SAMD4B: variants seen among roughly 807,000 people sequenced by gnomAD.
The protein encoded by SAMD4B is protein Smaug homolog 2.
A neutral mutation model predicts 74.5 loss-of-function variants in SAMD4B; 5 were observed. The observed-to-expected ratio is 0.07, with a 90% CI of 0.04 to 0.14. The LOEUF is 0.14. SAMD4B is among the 10% of genes least tolerant of loss of function. The pLI is 1.00. For missense variants in SAMD4B, 608 were observed against 921.8 expected, an observed-to-expected ratio of 0.66 and a Z score of 4.41; for synonymous variants, 373 against 374.9, an observed-to-expected ratio of 1.00 and a Z score of 0.06.
Position 39,376,420 on chromosome 19 carries a change from TC to T in SAMD4B, c.908-14del, listed in dbSNP as rs754294999. The T allele has an allele frequency of 2.5e-6, 4 of 1,599,186 alleles. No homozygotes were observed. The Admixed American group carries it at 6.7e-5, about 27-fold the overall frequency. ...GGGCCAAACTCCTGACCTTTCACTC[TC>T]CCTCCTTTGCCAAAGATGTGCCCTC... On this transcript the variant is annotated splice_polypyrimidine_tract_variant and intron_variant, in intron 5 of 13. Coordinates refer to ENST00000610417, the MANE Select transcript of SAMD4B (RefSeq NM_001384574.2).
In SAMD4B at chr19:39,370,071, C is replaced by T; in HGVS notation, c.613C>T (p.Pro205Ser). 6.2e-7 allele frequency: 1 copy of T among 1,610,330 alleles called. No individual in the cohort carries two copies. Residue 205 changes from proline (P) to serine (S), a missense_variant, in exon 4 of 14, where the codon CCA becomes TCA. Around this residue, in one of 9 missense-constraint regions of SAMD4B, gnomAD observed 153 missense variants for 153.0 expected, o/e 1.00. Coordinates refer to ENST00000610417, the MANE Select transcript of SAMD4B (RefSeq NM_001384574.2). Reference sequence around the variant, plus strand: ...GGAAAATGGACACGTGCCCTTCCACCCATCCAGCTCAGTGCCGCCAGCCAT... The same window carrying T: ...GGAAAATGGACACGTGCCCTTCCACTCATCCAGCTCAGTGCCGCCAGCCAT... ...PRENGHVPFH[P>S]SSSVPPAINS...
chr19:39,387,230 G>T, downstream of SAMD4B: 1 of 416,792 alleles, frequency 2.4e-6, no homozygotes, highest in Non-Finnish European at 4.8e-6. Flanking sequence ...ACTGAATACT[G>T]CAGGCAATTG....
At position 39,383,063 on chromosome 19, in the gene SAMD4B, T is replaced by C; in HGVS notation, c.1973-145T>C. The C allele has an allele frequency of 1.4e-6, 1 of 709,436 alleles. No individual in the cohort carries two copies. 43.9% of individuals were successfully genotyped at this position (709,436 alleles called of 1,614,324 possible). A position where few individuals can be genotyped will look rare whatever the true frequency, so the allele number is the denominator to read the frequency against. ...GCCTGTTGTGTGACACGCTCGCCTC[T>C]CTCCCTGTCCACCTCCTCCCGTTCT... On this transcript the variant is annotated intron_variant, in intron 12 of 13. Coordinates refer to ENST00000610417, the MANE Select transcript of SAMD4B (RefSeq NM_001384574.2). The surrounding 1 kb of genome is among the most constrained non-coding windows in gnomAD (Gnocchi z 4.1).
chr19:39,344,657 T>G (rs1283153457), intron 1 of SAMD4B, among the ~76,000 whole-genome samples: 1 of 152,144 alleles, frequency 6.6e-6, no homozygotes, highest in Non-Finnish European at 1.5e-5. Context: ...CTCAGAGACC[T>G]TTCTCAGGGG....
At chr19:39,388,270 G>T (rs2078296840), downstream of SAMD4B, 2 of 1,513,296 alleles carry the variant, frequency 1.3e-6, no homozygotes, top group Non-Finnish European at 9.2e-7. Flanking sequence ...CCTCCAAGGT[G>T]GCTCTTGCAT....
chr19:39,383,572 G>A lies in SAMD4B; in HGVS notation c.*45G>A. 6.2e-7 allele frequency: 1 copy of A among 1,614,212 alleles called. No individual in the cohort carries two copies. The highest frequency in any genetic ancestry group is 8.5e-7 in the Non-Finnish European group (1 of 1,180,048). On this transcript the variant is annotated 3_prime_UTR_variant, in exon 14 of 14. Coordinates refer to ENST00000610417, the MANE Select transcript of SAMD4B (RefSeq NM_001384574.2). This position sits in a 1 kb window ranked among gnomAD's most constrained non-coding sequence, Gnocchi z 4.1. ...CACCCATAGGCTCCCTGGGCGGCGG[G>A]CGGGGGCCAACCCCCAACGGGCTTC...
In SAMD4B at chr19:39,371,182, C is replaced by T. The variant is rs1053995548; in HGVS notation, c.667+1057C>T. On this transcript the variant is annotated intron_variant, in intron 4 of 13. Coordinates refer to ENST00000610417, the MANE Select transcript of SAMD4B (RefSeq NM_001384574.2). ...TGTAAACCTCAGAGTAGCTAGTCAC[C>T]TTCAGCAGGCACTGGTTTAAAGCAA... 3.9e-5 allele frequency among the ~76,000 whole-genome samples: 6 copies of T among 152,192 alleles called. No individual in the cohort carries two copies. In the South Asian group the frequency reaches 1.0e-3, roughly 26 times the overall value.
At chr19:39,389,827 A>G, downstream of SAMD4B, 1 of 1,605,386 alleles carries the variant, frequency 6.2e-7, no homozygotes, top group African/African-American at 1.3e-5. This position sits in a 1 kb window ranked among gnomAD's most constrained non-coding sequence, Gnocchi z 5.3. Flanking sequence ...CCTGCTTCCC[A>G]GAGGCGGAGC....
chr19:39,350,012 G>A (rs1339290906), intron 1 of SAMD4B: 2 of 152,162 alleles, frequency 1.3e-5, no homozygotes, highest in Non-Finnish European at 2.9e-5. Context: ...ACTTCTCTGT[G>A]CCTCAGTTGC....
chr19:39,381,457 G>T (rs1568367585), intron 12 of SAMD4B, among the ~76,000 whole-genome samples: 1 of 152,130 alleles, frequency 6.6e-6, no homozygotes, highest in Admixed American at 6.6e-5. Context: ...ACTTAGAAGG[G>T]GTTGAGGGGA....
chr19:39,367,823 G>C (rs2077057565), intron 3 of SAMD4B, among the ~76,000 whole-genome samples: 1 of 151,528 alleles, frequency 6.6e-6, no homozygotes, highest in Non-Finnish European at 1.5e-5. Flanking sequence ...TAAGGTCTTT[G>C]AGGGGGAGAG....
chr19:39,364,192 CCA>C (rs2076817671), intron 3 of SAMD4B, among the ~76,000 whole-genome samples: 2 of 152,224 alleles, frequency 1.3e-5, no homozygotes, highest in African/African-American at 2.4e-5. Context: ...CCTGGCAGTA[CCA>C]GAGAAGCTGT....
At chr19:39,371,752 G>C (rs150449984) in intron 4 of SAMD4B, among the ~76,000 whole-genome samples, 246 of 152,030 alleles carry the variant, frequency 1.6e-3, no homozygotes, top group Non-Finnish European at 2.6e-3. Flanking sequence ...AGGAGGTGGA[G>C]GTGGCAGTGA....
chr19:39,355,456 ATGTGAGTAGCTCCCTTAGACC>A (rs1448470898), intron 2 of SAMD4B, among the ~76,000 whole-genome samples: 2 of 152,130 alleles, frequency 1.3e-5, no homozygotes, highest in Non-Finnish European at 2.9e-5. Context: ...GTTCAGAGAG[ATGTGAGTAGCTCCCTTAGACC>A]TGAGCCCAGT....
chr19:39,372,890 A>G (rs1260477313), intron 4 of SAMD4B, among the ~76,000 whole-genome samples: 3 of 152,180 alleles, frequency 2.0e-5, no homozygotes, highest in Admixed American at 2.0e-4. Context: ...GACAGAAGCC[A>G]GGGCTGAGGG....
intron 3 of SAMD4B, chr19:39,369,338 C>T (rs2077155244): frequency 2.9e-6 from 1 of 341,698 alleles, no homozygotes; most frequent in Non-Finnish European, 5.5e-6. Context: ...GGTGAACTGG[C>T]CCAGTTTGGA....
intron 9 of SAMD4B, 65 bp from the exon 10 acceptor site, chr19:39,379,901 G>A: frequency 7.6e-7 from 1 of 1,314,048 alleles, no homozygotes; most frequent in Non-Finnish European, 1.1e-6. Flanking sequence ...ATGAATGGAA[G>A]ACTGGAAGGG....
At chr19:39,380,196 T>C (rs932151461) in intron 10 of SAMD4B, 112 bp downstream of exon 10, 1 of 797,158 alleles carries the variant, frequency 1.3e-6, no homozygotes, top group African/African-American at 1.7e-5. Context: ...TTTTATTCAG[T>C]CACTGGGCGA....
chr19:39,359,999 C>T (rs899224526), intron 3 of SAMD4B: 1 of 152,060 alleles, frequency 6.6e-6, no homozygotes, highest in East Asian at 1.9e-4. Flanking sequence ...TCCTGGCTAA[C>T]ACGGTGAAAC....
Sources: allele counts gnomAD v4.1 joint callset (sites outside exome capture counted in the v4.1 genomes callset), GRCh38; gene constraint gnomAD v4.1.1; regional missense constraint gnomAD v4.1.1; non-coding constraint Gnocchi (gnomAD v3.1); transcripts MANE v1.5; gene names NCBI Gene and HGNC (gene_info 2026-07-23, HGNC 2026-07-21).